TRMT1L: variants seen among roughly 807,000 people sequenced by gnomAD.
TRMT1L encodes the protein tRNA methyltransferase 1L, also known as tRNA (guanine(27)-N(2))-dimethyltransferase.
A neutral mutation model predicts 81.6 loss-of-function variants in TRMT1L; 28 were observed. That is an observed-to-expected ratio of 0.34 (90% confidence interval 0.25 to 0.47). The LOEUF (loss-of-function observed/expected upper bound fraction) is 0.47, where lower values mean the gene tolerates loss of function less well. TRMT1L is among the 20% of genes least tolerant of loss of function. TRMT1L has a pLI of 1.00. For missense variants in TRMT1L, 739 were observed against 877.1 expected, an observed-to-expected ratio of 0.84 and a Z score of 1.99; for synonymous variants, 301 against 303.2, an observed-to-expected ratio of 0.99 and a Z score of 0.07.
At chr1:185,155,607 A>C (rs1011143752) in intron 1 of TRMT1L, among the ~76,000 whole-genome samples, 25 of 152,248 alleles carry the variant, frequency 1.6e-4, no homozygotes, top group African/African-American at 5.8e-4. Context: ...GATTATTTTA[A>C]GTTCCAATTC....
At chr1:185,130,135 T>C (rs1406943845) in intron 10 of TRMT1L, among the ~76,000 whole-genome samples, 1 of 152,288 alleles carries the variant, frequency 6.6e-6, no homozygotes, top group East Asian at 1.9e-4. Flanking sequence ...CATCAGCAAA[T>C]TTCCTCTCTG....
At chr1:185,132,389 T>C (rs1440747850) in intron 10 of TRMT1L, among the ~76,000 whole-genome samples, 1 of 151,792 alleles carries the variant, frequency 6.6e-6, no homozygotes, top group African/African-American at 2.4e-5. Context: ...CATGGTGGCA[T>C]GTGCCTGTAA....
At chr1:185,151,984 T>C (rs1168881455) in intron 1 of TRMT1L, 49 bp from the exon 2 acceptor site, 10 of 1,215,250 alleles carry the variant, frequency 8.2e-6, no homozygotes, top group Non-Finnish European at 1.0e-5. Context: ...TGTATTCTAG[T>C]TCCATTTTTA....
chr1:185,144,981 C>T (rs927514293), intron 5 of TRMT1L, among the ~76,000 whole-genome samples: 5 of 151,738 alleles, frequency 3.3e-5, no homozygotes, highest in Admixed American at 6.6e-5. Flanking sequence ...TTATTCATTA[C>T]ATATAATACA....
chr1:185,138,229 C>CAA (rs985512721), intron 9 of TRMT1L, among the ~76,000 whole-genome samples: 18 of 152,116 alleles, frequency 1.2e-4, no homozygotes, highest in African/African-American at 4.3e-4. Context: ...AAAGAACAGT[C>CAA]AAAGTCCTTT....
At chr1:185,153,014 T>C (rs896415909) in intron 1 of TRMT1L, among the ~76,000 whole-genome samples, 2 of 151,908 alleles carry the variant, frequency 1.3e-5, no homozygotes, top group African/African-American at 4.8e-5. Context: ...GTGTGAAAAA[T>C]AAGAGAAAAA....
rs1330461015 is a variant in TRMT1L, at chr1:185,156,531, T to C, written c.182A>G (p.Gln61Arg). The change falls in exon 1 of 15, where the codon CAG becomes CGG. Residue 61 changes from glutamine (Q) to arginine (R), a missense_variant. By Grantham distance (43) the Gln-to-Arg change is conservative. Around this residue, in one of 4 missense-constraint regions of TRMT1L, gnomAD observed 209 missense variants for 165.4 expected, o/e 1.26. Coordinates refer to ENST00000367506, the MANE Select transcript of TRMT1L (RefSeq NM_030934.5). ...SAPAPAPALA[Q>R]APALSPSLAS... ...TAGGGACGGGGACAGGGCCGGAGCC[T>C]GGGCCAGGGCAGGGGCTGGGGCTGG... The C allele has an allele frequency of 1.2e-6, 2 of 1,612,174 alleles. No homozygotes were observed. Among genetic ancestry groups the C allele is most frequent in the Non-Finnish European group, 1.7e-6 (2 of 1,179,178 alleles).
chr1:185,147,119 A>G (rs1653207926), intron 4 of TRMT1L, 63 bp downstream of exon 4: 2 of 1,219,322 alleles, frequency 1.6e-6, no homozygotes, highest in Admixed American at 3.7e-5. Context: ...CACAGTAAGT[A>G]AAAATTATGC....
At chr1:185,156,112 A>T (rs773247218) in intron 1 of TRMT1L, among the ~76,000 whole-genome samples, 25 of 152,220 alleles carry the variant, frequency 1.6e-4, no homozygotes, top group Non-Finnish European at 2.9e-4. Flanking sequence ...TCACATTTGA[A>T]AGAACTTAGT....
At position 185,119,369 on chromosome 1, in the gene TRMT1L, C is replaced by T. The variant is rs1486957036; in HGVS notation, c.*650G>A. Reference sequence around the variant, plus strand: ...GATTAATGGTCTCAATTTATTCTGACAAAATCTTACTTTGAAGTTTAGTCA... The same window carrying T: ...GATTAATGGTCTCAATTTATTCTGATAAAATCTTACTTTGAAGTTTAGTCA... On this transcript the variant is annotated 3_prime_UTR_variant, in exon 15 of 15. Transcript: ENST00000367506. 1 of 152,092 alleles carries T rather than the reference C, an allele frequency of 6.6e-6. No individual in the cohort carries two copies. Among genetic ancestry groups the T allele is most frequent in the Non-Finnish European group, 1.5e-5 (1 of 68,014 alleles). The allele number at this position is 152,092 out of a possible 1,614,324, so 9.4% of individuals were successfully genotyped here.
intron 5 of TRMT1L, 77 bp downstream of exon 5, chr1:185,145,362 C>A: frequency 6.9e-7 from 1 of 1,441,386 alleles, no homozygotes; most frequent in Non-Finnish European, 9.5e-7. Context: ...TTTTATATTC[C>A]TGATGTCTGA....
chr1:185,140,228 G>A lies in TRMT1L; in HGVS notation c.860-6C>T, dbSNP rs541787883. 542 of 1,578,140 alleles carry A rather than the reference G, an allele frequency of 3.4e-4. 6 individuals are homozygous for A. The South Asian group carries it at 4.4e-3, about 13-fold the overall frequency. On this transcript the variant is annotated splice_polypyrimidine_tract_variant and splice_region_variant and intron_variant, in intron 7 of 14. Transcript: ENST00000367506. ...CCACTGTAATCCCATTATCCCTTAG[G>A]AAAAATGGGAAGAAAATGAGTTTTA...
At chr1:185,135,707 A>G (rs1652884379) in intron 10 of TRMT1L, among the ~76,000 whole-genome samples, 1 of 151,996 alleles carries the variant, frequency 6.6e-6, no homozygotes, top group Non-Finnish European at 1.5e-5. Flanking sequence ...CAGTTTTTCA[A>G]TTCCTAAGAA....
chr1:185,156,401 G>T, intron 1 of TRMT1L, 77 bp downstream of exon 1: 1 of 1,612,456 alleles, frequency 6.2e-7, no homozygotes, highest in South Asian at 1.1e-5. Context: ...CCATCCCGGT[G>T]AAGGGCCTCC....
Position 185,120,136 on chromosome 1 carries a change from G to A in TRMT1L, c.2085C>T (p.Thr695=), listed in dbSNP as rs554327138. 1 of 1,614,010 alleles carries A rather than the reference G, an allele frequency of 6.2e-7. No individual in the cohort carries two copies. The highest frequency in any genetic ancestry group is 1.3e-5 in the African/African-American group (1 of 75,002). The stretch of plus-strand genomic sequence containing the variant: ...GGCTTTCTGACTGTCCTCCAGTGTA[G>A]GTGGGGGTGCTGTACTTTAAAAGGA... ...KSILLKYSTP[T]YTGGQSESHV... Residue 695 remains threonine (T), a synonymous_variant, in exon 15 of 15, where the codon ACC becomes ACT. Transcript: ENST00000367506.
At chr1:185,127,651 C>G (rs1396648514) in intron 11 of TRMT1L, among the ~76,000 whole-genome samples, 2 of 149,416 alleles carry the variant, frequency 1.3e-5, no homozygotes, top group African/African-American at 4.9e-5. Context: ...CCTGGCTACT[C>G]AGGAGGCTGA....
intron 10 of TRMT1L, among the ~76,000 whole-genome samples, chr1:185,135,518 G>A (rs1196582965): frequency 2.6e-5 from 4 of 151,696 alleles, no homozygotes; most frequent in Non-Finnish European, 5.9e-5. Flanking sequence ...ATAAATGAAA[G>A]TATATAAGGG....
rs1203718797 is a variant in TRMT1L at position 185,156,891 on chromosome 1, A to G, written c.-179T>C. The G allele has an allele frequency of 2.3e-6, 2 of 860,056 alleles. No individual in the cohort carries two copies. The highest frequency in any genetic ancestry group is 3.6e-5 in the African/African-American group (2 of 56,056). The allele number at this position is 860,056 out of a possible 1,614,324, so 53.3% of individuals were successfully genotyped here. The stretch of plus-strand genomic sequence containing the variant: ...CCAGTGACCAAATCCTGTTAGTAGA[A>G]AACAGAAAGCCAGAGGCAGCGATTC... On this transcript the variant is annotated 5_prime_UTR_variant, in exon 1 of 15. Transcript: ENST00000367506.
intron 10 of TRMT1L, among the ~76,000 whole-genome samples, chr1:185,131,451 AAAAC>A (rs1385783884): frequency 1.3e-5 from 2 of 152,202 alleles, no homozygotes; most frequent in Non-Finnish European, 2.9e-5. Flanking sequence ...GCAACAATAC[AAAAC>A]AAACAAAAAA....
Sources: allele counts gnomAD v4.1 joint callset (sites outside exome capture counted in the v4.1 genomes callset), GRCh38; gene constraint gnomAD v4.1.1; regional missense constraint gnomAD v4.1.1; transcripts MANE v1.5; gene names NCBI Gene and HGNC (gene_info 2026-07-23, HGNC 2026-07-21).